The following PCNX1 variants were observed in gnomAD, a reference collection of about 807,000 sequenced individuals.
PCNX1 encodes pecanex 1, also known as pecanex-like protein 1.
In PCNX1, 78 loss-of-function variants were observed where a neutral mutation model predicts 242.2. The observed-to-expected ratio is 0.32, with a 90% confidence interval of 0.27 to 0.39. The LOEUF (loss-of-function observed/expected upper bound fraction) is 0.39, where lower values mean the gene tolerates loss of function less well. Among genes scored for constraint, PCNX1 ranks in the 10% least tolerant of loss-of-function variants. PCNX1 has a pLI of 1.00. For missense variants in PCNX1, 2,581 were observed against 2,856.5 expected (o/e 0.90, Z 2.20); for synonymous variants, 1,024 against 1,032.9 (o/e 0.99, Z 0.17).
chr14:71,042,678 G>T (rs2141061611), intron 19 of PCNX1, among the ~76,000 whole-genome samples: 1 of 151,964 alleles, frequency 6.6e-6, no homozygotes, highest in Non-Finnish European at 1.5e-5. Flanking sequence ...TACACATCTG[G>T]ACAGTCTATA....
rs921630665 is a variant in PCNX1 at position 71,012,223 on chromosome 14, G to T, written c.2778+674G>T. On this transcript the variant is annotated intron_variant, in intron 10 of 35. Transcript: ENST00000304743. ...ATGATAAGAGACTGTGGGAAGAAAT[G>T]AGAGTTGCTGCCATCAGATCCAATG... 2 of 152,648 alleles carry T rather than the reference G, an allele frequency of 1.3e-5. 1 individual carries two copies. Among genetic ancestry groups the T allele is most frequent in the African/African-American group, 4.8e-5 (2 of 41,448 alleles). 9.5% of individuals were successfully genotyped at this position (152,648 alleles called of 1,614,324 possible).
At chr14:71,084,658 C>T (rs1394072778) in intron 28 of PCNX1, among the ~76,000 whole-genome samples, 5 of 152,188 alleles carry the variant, frequency 3.3e-5, no homozygotes, top group Admixed American at 6.5e-5. Context: ...AGGGGAAAAC[C>T]GCCTACTGAA....
rs555646932 is a variant in PCNX1, at chr14:70,991,303, C to G, written c.2444+2604C>G. 2.2e-3 allele frequency among the ~76,000 whole-genome samples: 334 copies of G among 150,070 alleles called. 2 individuals are homozygous for G. Among genetic ancestry groups the G allele is most frequent in the African/African-American group, 7.9e-3 (321 of 40,820 alleles). ...CACTGCAACCTCCGCCTCCTGGGTT[C>G]AAGCCATTCTCCTGGCTCAGCCTCC... On this transcript the variant is annotated intron_variant, in intron 7 of 35. Transcript: ENST00000304743.
chr14:71,106,480 A>C (rs1429144296), intron 33 of PCNX1, among the ~76,000 whole-genome samples: 2 of 152,132 alleles, frequency 1.3e-5, no homozygotes, highest in Non-Finnish European at 2.9e-5. Context: ...TTAAAAATGA[A>C]ATCACTAGGC....
chr14:70,986,299 T>C (rs187740028), intron 6 of PCNX1, among the ~76,000 whole-genome samples: 402 of 152,312 alleles, frequency 2.6e-3, no homozygotes, highest in Non-Finnish European at 4.2e-3. Flanking sequence ...AGAGACAGCA[T>C]AGACAGTAAT....
At chr14:71,014,822 G>A (rs939716857) in intron 11 of PCNX1, among the ~76,000 whole-genome samples, 1 of 152,160 alleles carries the variant, frequency 6.6e-6, no homozygotes, top group Non-Finnish European at 1.5e-5. Flanking sequence ...AGAAATAAGA[G>A]TGGAGAACTT....
intron 15 of PCNX1, among the ~76,000 whole-genome samples, chr14:71,027,416 T>G (rs1486310401): frequency 6.6e-6 from 1 of 151,934 alleles, no homozygotes. Context: ...ATTGATACAC[T>G]TAGAAAATCT....
chr14:71,005,432 T>C (rs1196002294), intron 8 of PCNX1, among the ~76,000 whole-genome samples: 1 of 151,556 alleles, frequency 6.6e-6, no homozygotes, highest in African/African-American at 2.4e-5. Context: ...CACTGGAACC[T>C]AGGAGTTTGA....
chr14:70,993,287 ATTT>A (rs879694882), intron 7 of PCNX1, among the ~76,000 whole-genome samples: 1 of 144,072 alleles, frequency 6.9e-6, no homozygotes, highest in Non-Finnish European at 1.5e-5. Context: ...TGCCCGGCTA[ATTT>A]TTTTTTTTTT....
intron 33 of PCNX1, among the ~76,000 whole-genome samples, chr14:71,107,637 C>A (rs2062660747): frequency 6.6e-6 from 1 of 152,112 alleles, no homozygotes; most frequent in African/African-American, 2.4e-5. Flanking sequence ...TGCAGAAGAA[C>A]CTGCTTTTCA....
At chr14:71,030,932 G>C (rs1019443250) in intron 16 of PCNX1, among the ~76,000 whole-genome samples, 1 of 152,080 alleles carries the variant, frequency 6.6e-6, no homozygotes, top group African/African-American at 2.4e-5. Flanking sequence ...ATTTGTTTCT[G>C]AGATTTCTTT....
chr14:70,923,642 A>G (rs1594903810), intron 1 of PCNX1, among the ~76,000 whole-genome samples: 1 of 152,110 alleles, frequency 6.6e-6, no homozygotes. Context: ...CCCCTACCAT[A>G]CTAGTGTATA....
chr14:70,983,459 G>A (rs921145380), intron 6 of PCNX1, among the ~76,000 whole-genome samples: 5 of 151,860 alleles, frequency 3.3e-5, no homozygotes, highest in African/African-American at 9.7e-5. Flanking sequence ...TGCCCGCCAC[G>A]ACACCCGGTT....
At chr14:71,008,422 T>C (rs931354122) in intron 8 of PCNX1, among the ~76,000 whole-genome samples, 1 of 152,004 alleles carries the variant, frequency 6.6e-6, no homozygotes, top group Non-Finnish European at 1.5e-5. Flanking sequence ...TTTGGGAGGC[T>C]GAGGCAGGTG....
rs777086418 is a variant in PCNX1, at chr14:71,047,062, A to G, written c.4117A>G (p.Ser1373Gly). The G allele has an allele frequency of 5.0e-6, 8 of 1,611,088 alleles. No individual in the cohort carries two copies. The highest frequency in any genetic ancestry group is 6.8e-6 in the Non-Finnish European group (8 of 1,177,992). Residue 1373 changes from serine (S) to glycine (G), a missense_variant, in exon 21 of 36, where the codon AGC (serine) becomes GGC (glycine). By Grantham distance (56) the Ser-to-Gly change is moderately conservative. This residue lies in a region of PCNX1 where 432 missense variants were observed against 443.1 expected (regional missense o/e 0.97). Coordinates refer to ENST00000304743, the MANE Select transcript of PCNX1 (RefSeq NM_014982.3). ...ATTGATTGTTCTCAATGAACTGAGCAGCAGTGCAGAGACAATTGCTAGTCC... is the reference window on the plus strand; with the variant it reads ...ATTGATTGTTCTCAATGAACTGAGCGGCAGTGCAGAGACAATTGCTAGTCC... ...YPLIVLNELS[S>G]SAETIASPKK...
intron 4 of PCNX1, 98 bp downstream of exon 4, chr14:70,968,341 A>C: frequency 1.5e-6 from 1 of 689,246 alleles, no homozygotes; most frequent in Non-Finnish European, 2.4e-6. Flanking sequence ...AATGAAAAAA[A>C]TCATTCTTGA....
At chr14:70,944,179 A>C (rs1457659762) in intron 1 of PCNX1, among the ~76,000 whole-genome samples, 1 of 152,072 alleles carries the variant, frequency 6.6e-6, no homozygotes, top group Admixed American at 6.5e-5. Flanking sequence ...AGAATGGTAG[A>C]TCCAACAGCT....
chr14:71,035,738 T>C (rs1257722951), intron 18 of PCNX1, among the ~76,000 whole-genome samples: 1 of 151,596 alleles, frequency 6.6e-6, no homozygotes, highest in Non-Finnish European at 1.5e-5. Flanking sequence ...TGAAACCCTG[T>C]CTCTACTAAA....
chr14:70,945,663 T>C (rs1442402949), intron 1 of PCNX1, among the ~76,000 whole-genome samples: 1 of 151,930 alleles, frequency 6.6e-6, no homozygotes, highest in African/African-American at 2.4e-5. Context: ...CTCAAGTGAT[T>C]TGAGGTTAAC....
Sources: allele counts gnomAD v4.1 joint callset (sites outside exome capture counted in the v4.1 genomes callset), GRCh38; gene constraint gnomAD v4.1.1; regional missense constraint gnomAD v4.1.1; transcripts MANE v1.5; gene names NCBI Gene and HGNC (gene_info 2026-07-23, HGNC 2026-07-21).